The following CSMD2 variants were observed in gnomAD, a reference collection of about 807,000 sequenced individuals.
The protein encoded by CSMD2 is CUB and Sushi multiple domains 2.
CSMD2 carries 130 observed loss-of-function variants against 398.5 expected under a neutral mutation model. The ratio of observed to expected loss-of-function variants is 0.33; its 90% CI spans 0.28 to 0.38. The LOEUF is 0.38. CSMD2 is among the 10% of genes least tolerant of loss of function. The pLI, the probability that CSMD2 is intolerant of heterozygous loss-of-function variation, is 1.00. For synonymous variants in CSMD2, 1,828 were observed against 1,908.5 expected (o/e 0.96, Z 1.10); for missense variants, 3,829 against 4,764.9 (o/e 0.80, Z 5.78).
chr1:33,616,887 A>G lies in CSMD2; in HGVS notation c.6016+19T>C. 1 of 1,605,852 alleles carries G rather than the reference A, an allele frequency of 6.2e-7. No individual in the cohort carries two copies. The highest frequency in any genetic ancestry group is 8.5e-7 in the Non-Finnish European group (1 of 1,172,550). On this transcript the variant is annotated intron_variant, in intron 39 of 70. Transcript: ENST00000373381. Reference sequence around the variant, plus strand: ...GAGAAAATTGGTTGGAATGAATTGTAAAGTCTGGGCTGTCTTACCAATACA... The same window carrying G: ...GAGAAAATTGGTTGGAATGAATTGTGAAGTCTGGGCTGTCTTACCAATACA...
At position 33,625,079 on chromosome 1, in the gene CSMD2, T is replaced by C. The variant is rs16835683; in HGVS notation, c.5472A>G (p.Gln1824=). ...CACACGTGGGCGCTGAGACATTCCA[T>C]TGGGCCAAGGCCCCAGGCACAGGGA... ...ECLPVPGALA[Q]WNVSAPTCVV... Residue 1824 remains glutamine (Q), a synonymous_variant, in exon 34 of 71, where the codon CAA becomes CAG. Coordinates refer to ENST00000373381, the MANE Select transcript of CSMD2 (RefSeq NM_001281956.2). 129,609 of 1,613,816 alleles carry C rather than the reference T, an allele frequency of 0.08. 5,617 individuals carry two copies. Among genetic ancestry groups the C allele is most frequent in the East Asian group, 0.13 (5,927 of 44,816 alleles).
At chr1:34,091,318 G>C (rs562578322) in intron 1 of CSMD2, among the ~76,000 whole-genome samples, 1 of 152,252 alleles carries the variant, frequency 6.6e-6, no homozygotes, top group East Asian at 1.9e-4. Context: ...TGTTTGGCTA[G>C]ACACTCTCCT....
rs1334400712 is a variant in CSMD2 at position 34,103,094 on chromosome 1, A to G, written c.188-13901T>C. 3.3e-5 allele frequency among the ~76,000 whole-genome samples: 5 copies of G among 152,168 alleles called. No homozygotes were observed. In the East Asian group the frequency reaches 9.7e-4, roughly 29 times the overall value. On this transcript the variant is annotated intron_variant, in intron 1 of 70. Transcript: ENST00000373381. ...TGCCCACCTAGCATTCTGTGCTTGG[A>G]TTGTTCCTTCACTCGGCTAACTCCA...
In CSMD2 at chr1:33,739,324, G is replaced by A. The variant is rs1255577754; in HGVS notation, c.2184C>T (p.His728=). Residue 728 remains histidine, a synonymous_variant, in exon 15 of 71, where the codon CAC becomes CAT. Coordinates refer to ENST00000373381, the MANE Select transcript of CSMD2 (RefSeq NM_001281956.2). ...GFNITFTTFR[H]NECPDPGVPV... ...GAACGCCAGGATCCGGGCACTCGTT[G>A]TGTCGGAAGGCTGTGTAGATGGAGT... 1 of 1,613,150 alleles carries A rather than the reference G, an allele frequency of 6.2e-7. No individual in the cohort carries two copies. The highest frequency in any genetic ancestry group is 1.7e-5 in the Admixed American group (1 of 59,908).
At chr1:34,063,524 T>C (rs1654760587) in intron 2 of CSMD2, among the ~76,000 whole-genome samples, 1 of 152,198 alleles carries the variant, frequency 6.6e-6, no homozygotes, top group Non-Finnish European at 1.5e-5. Flanking sequence ...AGCTCCAAAA[T>C]CATCTCCTTT....
At chr1:33,938,286 G>T (rs1317078760) in intron 3 of CSMD2, among the ~76,000 whole-genome samples, 1 of 152,216 alleles carries the variant, frequency 6.6e-6, no homozygotes, top group Non-Finnish European at 1.5e-5. Flanking sequence ...ATCCTGTGCT[G>T]CTGGCTTACT....
In CSMD2 at chr1:33,976,510, C is replaced by T. The variant is rs116795793; in HGVS notation, c.518-40556G>A. On this transcript the variant is annotated intron_variant, in intron 3 of 70. Transcript: ENST00000373381. ...CTGCCTTCCTGGAGCACCATCTGAC[C>T]CAGGGAGGTTCACGGAATCTACTCC... Among the ~76,000 whole-genome samples the T allele has an allele frequency of 5.1e-3, 781 of 152,202 alleles. 4 individuals carry two copies. The highest frequency in any genetic ancestry group is 0.018 in the African/African-American group (756 of 41,508).
In CSMD2 at chr1:33,569,378, G is replaced by A. The variant is rs1158739778; in HGVS notation, c.8127C>T (p.Cys2709=). 2 of 1,612,952 alleles carry A rather than the reference G, an allele frequency of 1.2e-6. No individual in the cohort carries two copies. Among genetic ancestry groups the A allele is most frequent in the African/African-American group, 2.7e-5 (2 of 74,898 alleles). Reference sequence around the variant, plus strand: ...AGGCCTGCAGAGGTCACTTACCAAGGCAGCGGACTTCAGAGCCACTCCAGA... The same window carrying A: ...AGGCCTGCAGAGGTCACTTACCAAGACAGCGGACTTCAGAGCCACTCCAGA... ...NGLWSGSEVR[C]LATQTKLHSI... is the part of the protein sequence containing the mutation. The change falls in exon 52 of 71, where the codon TGC becomes TGT. Residue 2709 remains cysteine (C), a synonymous_variant. Coordinates refer to ENST00000373381, the MANE Select transcript of CSMD2 (RefSeq NM_001281956.2).
intron 1 of CSMD2, among the ~76,000 whole-genome samples, chr1:34,143,316 C>G (rs960211027): frequency 6.6e-6 from 1 of 152,032 alleles, no homozygotes; most frequent in Admixed American, 6.6e-5. Context: ...GAAAAACTTG[C>G]GATTGACTCT....
chr1:33,729,934 C>T (rs1375533472), intron 15 of CSMD2, among the ~76,000 whole-genome samples: 1 of 151,998 alleles, frequency 6.6e-6, no homozygotes, highest in East Asian at 1.9e-4. Context: ...ACTCTCTGAC[C>T]CAGCAATTCT....
chr1:33,907,115 CTTTTT>C (rs59706894), intron 5 of CSMD2, among the ~76,000 whole-genome samples: 2 of 88,982 alleles, frequency 2.2e-5, no homozygotes, highest in Admixed American at 1.3e-4. Context: ...TGATGATTAT[CTTTTT>C]TTTTTTTTTT....
At chr1:33,902,670 C>A (rs1378218263) in intron 5 of CSMD2, among the ~76,000 whole-genome samples, 2 of 152,156 alleles carry the variant, frequency 1.3e-5, no homozygotes, top group Non-Finnish European at 2.9e-5. Context: ...CGCTAAGTAT[C>A]CCCCTCAGCC....
chr1:33,981,904 G>C (rs528487905), intron 3 of CSMD2, among the ~76,000 whole-genome samples: 1 of 152,308 alleles, frequency 6.6e-6, no homozygotes, highest in East Asian at 1.9e-4. Context: ...AGATGCTTCA[G>C]AGGGAGGGCT....
intron 1 of CSMD2, among the ~76,000 whole-genome samples, chr1:34,140,443 A>G (rs939422228): frequency 6.6e-6 from 1 of 152,164 alleles, no homozygotes; most frequent in Non-Finnish European, 1.5e-5. Context: ...ATGTCTAGAG[A>G]ACACCTGCAG....
intron 2 of CSMD2, among the ~76,000 whole-genome samples, chr1:34,045,259 G>C (rs1570924794): frequency 6.6e-6 from 1 of 152,094 alleles, no homozygotes; most frequent in South Asian, 2.1e-4. Flanking sequence ...GAAAGGATAT[G>C]CCCAGAGAAG....
chr1:33,819,735 G>A lies in CSMD2; in HGVS notation c.1302C>T (p.Ser434=), dbSNP rs746022676. The change falls in exon 9 of 71, where the codon AGC becomes AGT. Residue 434 remains serine (S), a synonymous_variant. Coordinates refer to ENST00000373381, the MANE Select transcript of CSMD2 (RefSeq NM_001281956.2). ...CACCTCGGCAGACTGGCCTGTGGTC[G>A]CTCCAGGCCGCAAACATGTCGCTCA... ...MKVSDMFAAW[S]DHRPVCRARM... is the part of the protein sequence containing the mutation. 9.9e-6 allele frequency: 16 copies of A among 1,613,576 alleles called. No homozygotes were observed. Among genetic ancestry groups the A allele is most frequent in the South Asian group, 7.7e-5 (7 of 91,030 alleles).
intron 1 of CSMD2, among the ~76,000 whole-genome samples, chr1:34,159,831 A>G (rs1295067621): frequency 6.6e-6 from 1 of 152,240 alleles, no homozygotes; most frequent in Non-Finnish European, 1.5e-5. Context: ...GTGAGGGCAC[A>G]TAGACTTCCT....
intron 28 of CSMD2, among the ~76,000 whole-genome samples, chr1:33,647,966 C>T (rs1185724792): frequency 6.6e-6 from 1 of 152,172 alleles, no homozygotes; most frequent in Non-Finnish European, 1.5e-5. Context: ...ATAGACATCT[C>T]GACTGGTTCA....
chr1:33,870,377 C>G (rs751436949), intron 5 of CSMD2: 10 of 152,152 alleles, frequency 6.6e-5, no homozygotes, highest in Non-Finnish European at 1.3e-4. Context: ...TAGCTTCAAG[C>G]AGGAGATAAA....
Sources: allele counts gnomAD v4.1 joint callset (sites outside exome capture counted in the v4.1 genomes callset), GRCh38; gene constraint gnomAD v4.1.1; transcripts MANE v1.5; gene names NCBI Gene and HGNC (gene_info 2026-07-23, HGNC 2026-07-21).